PTPRR: variants seen among roughly 807,000 people sequenced by gnomAD.
PTPRR encodes receptor-type tyrosine-protein phosphatase R.
Under a neutral mutation model 77.2 loss-of-function variants are expected in PTPRR, and 38 were observed. The observed-to-expected ratio is 0.49, with a 90% CI of 0.38 to 0.65. The LOEUF (loss-of-function observed/expected upper bound fraction) is 0.65, where lower values mean the gene tolerates loss of function less well. Ranked by LOEUF, PTPRR falls within the 30% of genes least tolerant of loss-of-function variation. PTPRR has a pLI of 0.00. For missense variants in PTPRR, 744 were observed against 799.2 expected, an observed-to-expected ratio of 0.93 and a Z score of 0.83; for synonymous variants, 299 against 283.1, an observed-to-expected ratio of 1.06 and a Z score of -0.57.
At chr12:70,887,944 T>C (rs548205118) in intron 2 of PTPRR, among the ~76,000 whole-genome samples, 4 of 152,224 alleles carry the variant, frequency 2.6e-5, no homozygotes, top group African/African-American at 9.6e-5. Flanking sequence ...TCCCAGGTGA[T>C]GTAGGATATA....
chr12:70,869,631 T>C (rs1270926308), intron 2 of PTPRR, among the ~76,000 whole-genome samples: 2 of 152,118 alleles, frequency 1.3e-5, no homozygotes, highest in African/African-American at 4.8e-5. Flanking sequence ...GTAGGCCCAA[T>C]ATAATCACTG....
intron 1 of PTPRR, among the ~76,000 whole-genome samples, chr12:70,894,200 AT>A (rs1893386603): frequency 6.6e-6 from 1 of 151,678 alleles, no homozygotes; most frequent in Admixed American, 6.6e-5. Context: ...ATCTCCTACT[AT>A]TTTTATCTTT....
At chr12:70,818,235 CAAAAAA>C (rs34025995) in intron 2 of PTPRR, among the ~76,000 whole-genome samples, 1 of 68,682 alleles carries the variant, frequency 1.5e-5, no homozygotes, top group South Asian at 5.1e-4. Context: ...AACTCCGTCT[CAAAAAA>C]AAAAAAAAAA....
chr12:70,778,338 T>C (rs1300797237), intron 2 of PTPRR, among the ~76,000 whole-genome samples: 1 of 152,160 alleles, frequency 6.6e-6, no homozygotes, highest in African/African-American at 2.4e-5. Flanking sequence ...GAAGTCTTTA[T>C]CTTTAAAGTT....
intron 2 of PTPRR, among the ~76,000 whole-genome samples, chr12:70,875,640 T>C: frequency 8.0e-6 from 1 of 125,332 alleles, no homozygotes; most frequent in Admixed American, 7.8e-5. Flanking sequence ...TATTGCTAAG[T>C]AGAAAAAAAA....
At chr12:70,653,976 G>A (rs1886487113) in intron 13 of PTPRR, among the ~76,000 whole-genome samples, 1 of 152,136 alleles carries the variant, frequency 6.6e-6, no homozygotes, top group Non-Finnish European at 1.5e-5. Context: ...CGGTTAGAAA[G>A]ACTTAGAGGC....
intron 2 of PTPRR, among the ~76,000 whole-genome samples, chr12:70,814,687 C>T (rs1891869476): frequency 6.6e-6 from 1 of 152,268 alleles, no homozygotes; most frequent in South Asian, 2.1e-4. Context: ...GCCTTCAAGA[C>T]ATGAAAACAA....
chr12:70,688,695 C>G (rs1887955520), intron 8 of PTPRR, among the ~76,000 whole-genome samples: 3 of 152,242 alleles, frequency 2.0e-5, no homozygotes, highest in African/African-American at 7.2e-5. Context: ...GAGTATATAT[C>G]CAAAGGAACT....
chr12:70,827,559 T>C (rs28549713), intron 2 of PTPRR, among the ~76,000 whole-genome samples: 3 of 150,440 alleles, frequency 2.0e-5, no homozygotes, highest in African/African-American at 7.4e-5. Context: ...TTTTTTTTTT[T>C]CTTTTTGACA....
At chr12:70,671,569 T>C (rs1409471806) in intron 10 of PTPRR, among the ~76,000 whole-genome samples, 2 of 152,202 alleles carry the variant, frequency 1.3e-5, no homozygotes, top group Admixed American at 6.5e-5. Context: ...CCCATTGGTG[T>C]AGGAATTGTT....
chr12:70,876,392 G>C (rs1209641736), intron 2 of PTPRR, among the ~76,000 whole-genome samples: 1 of 152,082 alleles, frequency 6.6e-6, no homozygotes, highest in Non-Finnish European at 1.5e-5. Context: ...CTCTGTAAAT[G>C]AAATAGATGT....
chr12:70,760,782 A>G (rs1159663877), intron 4 of PTPRR, among the ~76,000 whole-genome samples: 1 of 152,182 alleles, frequency 6.6e-6, no homozygotes, highest in African/African-American at 2.4e-5. Context: ...TCATGATTCC[A>G]TGAATTGAAT....
At chr12:70,749,521 T>C (rs1890321804) in intron 5 of PTPRR, among the ~76,000 whole-genome samples, 1 of 152,146 alleles carries the variant, frequency 6.6e-6, no homozygotes, top group Non-Finnish European at 1.5e-5. Flanking sequence ...AAATTGAAAA[T>C]TAATTTGAGA....
intron 2 of PTPRR, among the ~76,000 whole-genome samples, chr12:70,767,161 A>G (rs1021754261): frequency 6.6e-6 from 1 of 152,126 alleles, no homozygotes; most frequent in African/African-American, 2.4e-5. Flanking sequence ...TTCACACATA[A>G]CAATATTAAC....
At chr12:70,820,378 G>A (rs1057431284) in intron 2 of PTPRR, among the ~76,000 whole-genome samples, 1 of 152,074 alleles carries the variant, frequency 6.6e-6, no homozygotes, top group African/African-American at 2.4e-5. Flanking sequence ...CGCCCAGGCT[G>A]GAGTGAGTGC....
chr12:70,840,237 C>G (rs754876907), intron 2 of PTPRR, among the ~76,000 whole-genome samples: 1 of 152,016 alleles, frequency 6.6e-6, no homozygotes, highest in Non-Finnish European at 1.5e-5. Context: ...TACAGGTTAT[C>G]GTGTTTCTTG....
chr12:70,895,638 T>A (rs1045224314), intron 1 of PTPRR, among the ~76,000 whole-genome samples: 2 of 151,594 alleles, frequency 1.3e-5, no homozygotes, highest in East Asian at 3.9e-4. Context: ...CGGGACATGA[T>A]GATACAGTTT....
At chr12:70,704,209 G>A (rs1310861496) in intron 6 of PTPRR, among the ~76,000 whole-genome samples, 1 of 151,912 alleles carries the variant, frequency 6.6e-6, no homozygotes, top group African/African-American at 2.4e-5. Flanking sequence ...ATCACTTGAG[G>A]CCAGGAGTTT....
At chr12:70,751,369 A>G (rs1210826558) in intron 5 of PTPRR, among the ~76,000 whole-genome samples, 1 of 152,078 alleles carries the variant, frequency 6.6e-6, no homozygotes, top group Non-Finnish European at 1.5e-5. Context: ...TCACTGGGAT[A>G]TTGCAGAAGC....
Sources: gnomAD v4.1 joint callset for allele counts (sites outside exome capture counted in the v4.1 genomes callset) on GRCh38, gnomAD v4.1.1 for gene constraint, MANE v1.5 for transcripts, NCBI Gene and HGNC (gene_info 2026-07-23, HGNC 2026-07-21) for gene names.